RAB27B: variants seen among roughly 807,000 people sequenced by gnomAD.
RAB27B encodes ras-related protein Rab-27B.
RAB27B carries 15 observed loss-of-function variants against 24.6 expected under a neutral mutation model. That is an observed-to-expected ratio of 0.61 (90% CI 0.41 to 0.94). The LOEUF is 0.94. Among genes scored for constraint, RAB27B ranks in the 40% least tolerant of loss-of-function variants. The pLI, the probability that RAB27B is intolerant of heterozygous loss-of-function variation, is 0.00. For synonymous variants in RAB27B, 105 were observed against 92.5 expected (o/e 1.14, Z -0.78); for missense variants, 261 against 266.8 (o/e 0.98, Z 0.15).
chr18:54,791,559 G>T (rs575650032), intron 2 of RAB27B, among the ~76,000 whole-genome samples: 93 of 152,278 alleles, frequency 6.1e-4, no homozygotes, highest in Non-Finnish European at 5.9e-4. Flanking sequence ...TACGGAAGAG[G>T]GGAAGGGAGG....
At chr18:54,841,380 A>G (rs1911116083) in intron 1 of RAB27B, among the ~76,000 whole-genome samples, 1 of 152,218 alleles carries the variant, frequency 6.6e-6, no homozygotes, top group Admixed American at 6.5e-5. Context: ...CATTAGGTAT[A>G]AGTTATCTGC....
chr18:54,839,651 T>C (rs1211816418), intron 1 of RAB27B, among the ~76,000 whole-genome samples: 5 of 152,346 alleles, frequency 3.3e-5, no homozygotes, highest in Admixed American at 6.5e-5. Flanking sequence ...TGTCCTGATG[T>C]ACTATCTAGC....
intron 1 of RAB27B, among the ~76,000 whole-genome samples, chr18:54,870,572 A>G (rs1912421883): frequency 6.6e-6 from 1 of 152,190 alleles, no homozygotes; most frequent in Admixed American, 6.5e-5. Context: ...CTAAAGCTCT[A>G]TTAAGGAAGG....
chr18:54,889,173 T>C (rs1370474754), intron 5 of RAB27B, 51 bp from the exon 6 acceptor site: 1 of 1,512,964 alleles, frequency 6.6e-7, no homozygotes, highest in South Asian at 1.3e-5. Context: ...TCTTGCTGTA[T>C]CTGTTCTGAT....
intron 2 of RAB27B, among the ~76,000 whole-genome samples, chr18:54,746,095 A>T (rs1010102749): frequency 1.3e-5 from 2 of 152,106 alleles, no homozygotes; most frequent in Admixed American, 1.3e-4. Flanking sequence ...AGCTTCAAGG[A>T]GATGCAGGTG....
chr18:54,756,158 G>A (rs932896863), intron 2 of RAB27B, among the ~76,000 whole-genome samples: 4 of 152,138 alleles, frequency 2.6e-5, no homozygotes, highest in African/African-American at 9.7e-5. Context: ...TTTCAGCTAG[G>A]TCATTCTGTG....
intron 2 of RAB27B, among the ~76,000 whole-genome samples, chr18:54,806,654 A>G (rs564869773): frequency 6.6e-6 from 1 of 151,048 alleles, no homozygotes; most frequent in South Asian, 2.1e-4. Flanking sequence ...GTAAAACAGG[A>G]TGGTTAGATT....
At chr18:54,718,730 A>G (rs1909267943) in intron 2 of RAB27B, among the ~76,000 whole-genome samples, 1 of 152,230 alleles carries the variant, frequency 6.6e-6, no homozygotes, top group Non-Finnish European at 1.5e-5. Context: ...CTGTTCAAAA[A>G]TAATTTTGAT....
chr18:54,739,931 A>C (rs758489479), intron 2 of RAB27B, among the ~76,000 whole-genome samples: 13 of 152,162 alleles, frequency 8.5e-5, no homozygotes, highest in Non-Finnish European at 1.9e-4. Context: ...AGAAATGTCT[A>C]CTCAAATCAT....
At chr18:54,889,137 T>G in intron 5 of RAB27B, 87 bp from the exon 6 acceptor site, 8 of 1,268,882 alleles carry the variant, frequency 6.3e-6, no homozygotes, top group African/African-American at 3.1e-5. Context: ...AGCCAGCCGT[T>G]TTTGCATGTG....
chr18:54,753,062 A>G (rs1466282653), intron 2 of RAB27B, among the ~76,000 whole-genome samples: 1 of 152,158 alleles, frequency 6.6e-6, no homozygotes, highest in African/African-American at 2.4e-5. Flanking sequence ...CATGAAGAAA[A>G]TGATCAATTT....
chr18:54,888,087 C>T lies in RAB27B; in HGVS notation c.436C>T (p.Arg146Trp), dbSNP rs749772540. Reference protein sequence around the residue: ...DLPDQREVNERQARELADKYG... With the variant: ...DLPDQREVNEWQARELADKYG... ...ACCAGATCAGAGGGAAGTCAATGAACGGCAAGCTCGGGAACTGGCTGACAA... is the reference window on the plus strand; with the variant it reads ...ACCAGATCAGAGGGAAGTCAATGAATGGCAAGCTCGGGAACTGGCTGACAA... Residue 146 changes from arginine to tryptophan, a missense_variant, in exon 5 of 6, where the codon CGG becomes TGG. Physicochemically the swap from Arg to Trp is moderately radical, Grantham distance 101. Coordinates refer to ENST00000262094, the MANE Select transcript of RAB27B (RefSeq NM_004163.4). 59 of 1,612,692 alleles carry T rather than the reference C, an allele frequency of 3.7e-5. 1 individual carries two copies. The highest frequency in any genetic ancestry group is 1.6e-4 in the Middle Eastern group (1 of 6,074).
intron 3 of RAB27B, among the ~76,000 whole-genome samples, chr18:54,881,413 G>A (rs1402060871): frequency 6.6e-6 from 1 of 152,064 alleles, no homozygotes; most frequent in African/African-American, 2.4e-5. Flanking sequence ...AATTCAAGGG[G>A]AGTTAGTATG....
chr18:54,841,340 A>G (rs1172101326), intron 1 of RAB27B, among the ~76,000 whole-genome samples: 1 of 152,224 alleles, frequency 6.6e-6, no homozygotes, highest in African/African-American at 2.4e-5. Context: ...ACAATATAGT[A>G]TAACAACTAG....
At chr18:54,838,275 T>C (rs1399672693) in intron 1 of RAB27B, among the ~76,000 whole-genome samples, 2 of 152,142 alleles carry the variant, frequency 1.3e-5, no homozygotes, top group Admixed American at 6.6e-5. Flanking sequence ...TGCAAAATAT[T>C]GTCAAGAAAT....
At chr18:54,819,159 T>C (rs1420852029) in intron 2 of RAB27B, among the ~76,000 whole-genome samples, 2 of 147,568 alleles carry the variant, frequency 1.4e-5, no homozygotes, top group Non-Finnish European at 3.0e-5. Context: ...AATAATTATA[T>C]ATTAACATAA....
chr18:54,789,134 G>A (rs1469299084), intron 2 of RAB27B, among the ~76,000 whole-genome samples: 1 of 152,168 alleles, frequency 6.6e-6, no homozygotes, highest in African/African-American at 2.4e-5. Context: ...TTGAAGAAAT[G>A]TAGGCCATTA....
At chr18:54,808,201 C>A (rs946297350) in intron 2 of RAB27B, among the ~76,000 whole-genome samples, 1 of 152,190 alleles carries the variant, frequency 6.6e-6, no homozygotes, top group Non-Finnish European at 1.5e-5. Flanking sequence ...TGGTAACACA[C>A]ATTCCCTGTA....
intron 2 of RAB27B, among the ~76,000 whole-genome samples, chr18:54,817,068 T>A (rs12957162): frequency 0.23 from 34,330 of 152,026 alleles, 4,114 homozygotes; most frequent in East Asian, 0.37. Context: ...CTCAATTTTT[T>A]AAAAAAATCA....
Sources: gnomAD v4.1 joint callset for allele counts (sites outside exome capture counted in the v4.1 genomes callset) on GRCh38, gnomAD v4.1.1 for gene constraint, MANE v1.5 for transcripts, NCBI Gene and HGNC (gene_info 2026-07-23, HGNC 2026-07-21) for gene names.